The following DCC variants were observed in gnomAD, a reference collection of about 807,000 sequenced individuals.
DCC encodes DCC netrin 1 receptor.
In DCC, 58 loss-of-function variants were observed where a neutral mutation model predicts 172.5. That is an observed-to-expected ratio of 0.34 (90% CI 0.27 to 0.42). The LOEUF is 0.42. Ranked by LOEUF, DCC falls within the 10% of genes least tolerant of loss-of-function variation. The pLI, the probability that DCC is intolerant of heterozygous loss-of-function variation, is 1.00. For synonymous variants in DCC, 709 were observed against 644.5 expected (o/e 1.10, Z -1.52); for missense variants, 1,740 against 1,791.0 (o/e 0.97, Z 0.51).
At chr18:53,516,336 C>T (rs1686758536) in intron 27 of DCC, among the ~76,000 whole-genome samples, 1 of 147,354 alleles carries the variant, frequency 6.8e-6, no homozygotes, top group Admixed American at 6.6e-5. Context: ...AGACCTAAAA[C>T]CATAAAAACC....
chr18:53,398,214 T>C (rs1909076641), intron 18 of DCC, among the ~76,000 whole-genome samples: 1 of 152,158 alleles, frequency 6.6e-6, no homozygotes, highest in Non-Finnish European at 1.5e-5. Flanking sequence ...AAAAAAATGC[T>C]AATAAAGCTG....
intron 1 of DCC, among the ~76,000 whole-genome samples, chr18:52,496,703 G>A (rs2030766356): frequency 6.6e-6 from 1 of 152,162 alleles, no homozygotes; most frequent in South Asian, 2.1e-4. Context: ...AGTGAACACA[G>A]CCTGCATTTC....
chr18:52,597,810 A>G (rs2033938605), intron 1 of DCC, among the ~76,000 whole-genome samples: 1 of 152,208 alleles, frequency 6.6e-6, no homozygotes, highest in African/African-American at 2.4e-5. Context: ...AATGCTCTAG[A>G]TTCTTCTCAA....
intron 1 of DCC, among the ~76,000 whole-genome samples, chr18:52,731,229 T>C (rs989926474): frequency 1.3e-5 from 2 of 152,232 alleles, no homozygotes; most frequent in Admixed American, 1.3e-4. Context: ...ATTATGTTAA[T>C]ACATGCAAAT....
rs188503743 is a variant in DCC, at chr18:53,151,295, C to G, written c.1262-6061C>G. ...CTAATGTCTAAATAACTTTTCTACC[C>G]AAACTCTAGAATGGAACTCATTTGT... On this transcript the variant is annotated intron_variant, in intron 7 of 28. Transcript: ENST00000442544. Among the ~76,000 whole-genome samples the G allele has an allele frequency of 9.9e-5, 15 of 152,238 alleles. No individual in the cohort carries two copies. The East Asian group carries it at 2.9e-3, about 29-fold the overall frequency.
At chr18:53,227,092 G>A (rs1033972209) in intron 12 of DCC, among the ~76,000 whole-genome samples, 1 of 150,572 alleles carries the variant, frequency 6.6e-6, no homozygotes, top group African/African-American at 2.4e-5. Flanking sequence ...TGGAATACAG[G>A]TGAGTGCCAC....
chr18:52,878,628 T>C (rs1378512528), intron 2 of DCC, among the ~76,000 whole-genome samples: 1 of 152,200 alleles, frequency 6.6e-6, no homozygotes, highest in African/African-American at 2.4e-5. Flanking sequence ...TTTTTCCCCA[T>C]GAAGTCATTA....
intron 1 of DCC, among the ~76,000 whole-genome samples, chr18:52,701,326 T>C (rs1316330205): frequency 6.6e-6 from 1 of 152,210 alleles, no homozygotes; most frequent in Non-Finnish European, 1.5e-5. Context: ...ATGTTTGTGT[T>C]ATCATTAACT....
intron 25 of DCC, chr18:53,481,002 C>T (rs913026881): frequency 6.6e-6 from 1 of 152,130 alleles, no homozygotes; most frequent in Non-Finnish European, 1.5e-5. Flanking sequence ...CACAGGTCTG[C>T]CAGCCTGTCC....
intron 5 of DCC, among the ~76,000 whole-genome samples, chr18:52,954,750 A>T (rs1209473574): frequency 1.3e-5 from 2 of 152,194 alleles, no homozygotes; most frequent in Non-Finnish European, 1.5e-5. Flanking sequence ...AATGGAGTTG[A>T]TTCGTTCCTC....
chr18:53,076,660 G>T (rs749489266), intron 7 of DCC, among the ~76,000 whole-genome samples: 1 of 152,064 alleles, frequency 6.6e-6, no homozygotes, highest in Non-Finnish European at 1.5e-5. Flanking sequence ...TGGTGGTGCC[G>T]GTAGAAGCCC....
intron 2 of DCC, among the ~76,000 whole-genome samples, chr18:52,813,627 T>C (rs965053703): frequency 6.6e-6 from 1 of 152,194 alleles, no homozygotes; most frequent in African/African-American, 2.4e-5. Context: ...GCCCAGATAT[T>C]TGGCCAGACA....
At chr18:52,497,747 G>T (rs1387424723) in intron 1 of DCC, among the ~76,000 whole-genome samples, 2 of 152,080 alleles carry the variant, frequency 1.3e-5, no homozygotes, top group African/African-American at 4.8e-5. Context: ...TCATCAAGGG[G>T]TGGTCTATAC....
intron 7 of DCC, among the ~76,000 whole-genome samples, chr18:53,072,931 G>A (rs1004268040): frequency 6.6e-6 from 1 of 152,116 alleles, no homozygotes; most frequent in African/African-American, 2.4e-5. Flanking sequence ...GCAAAATGTG[G>A]ATAGTACTAT....
At chr18:53,471,616 C>T (rs1010210767) in intron 25 of DCC, among the ~76,000 whole-genome samples, 3 of 152,182 alleles carry the variant, frequency 2.0e-5, no homozygotes, top group African/African-American at 7.2e-5. Context: ...TTGCTCCTTT[C>T]TGTAATTCAT....
At chr18:53,175,210 A>T (rs1275578478) in intron 8 of DCC, among the ~76,000 whole-genome samples, 1 of 152,128 alleles carries the variant, frequency 6.6e-6, no homozygotes, top group Admixed American at 6.6e-5. Context: ...ACAAACCCAC[A>T]GCCAATATCA....
At chr18:52,444,818 A>T (rs1020349582) in intron 1 of DCC, among the ~76,000 whole-genome samples, 3 of 152,122 alleles carry the variant, frequency 2.0e-5, no homozygotes, top group African/African-American at 7.2e-5. Flanking sequence ...AGAGAGAGAG[A>T]GCGCTTGACT....
chr18:53,003,590 G>A (rs2041599122), intron 5 of DCC, among the ~76,000 whole-genome samples: 1 of 152,168 alleles, frequency 6.6e-6, no homozygotes, highest in Non-Finnish European at 1.5e-5. Context: ...AGAGAAAGAA[G>A]AGAGTGGCTG....
At chr18:53,271,827 G>A (rs569064688) in intron 12 of DCC, among the ~76,000 whole-genome samples, 1 of 152,146 alleles carries the variant, frequency 6.6e-6, no homozygotes, top group Non-Finnish European at 1.5e-5. Flanking sequence ...CTGCCTACCA[G>A]CGTCTCCCCT....
Sources: gnomAD v4.1 joint callset for allele counts (sites outside exome capture counted in the v4.1 genomes callset) on GRCh38, gnomAD v4.1.1 for gene constraint, MANE v1.5 for transcripts, NCBI Gene and HGNC (gene_info 2026-07-23, HGNC 2026-07-21) for gene names.